Variants in CFAP47 observed in about 807,000 individuals in gnomAD.
CFAP47 encodes the protein cilia and flagella associated protein 47, also known as cilia- and flagella-associated protein 47.
In CFAP47, 29 loss-of-function variants were observed where a neutral mutation model predicts 148.1. That is an observed-to-expected ratio of 0.20 (90% CI 0.15 to 0.27). The LOEUF (loss-of-function observed/expected upper bound fraction) is 0.27. CFAP47 is among the 10% of genes least tolerant of loss of function. CFAP47 has a pLI of 1.00. For synonymous variants in CFAP47, 664 were observed against 577.3 expected, an observed-to-expected ratio of 1.15 and a Z score of -2.15; for missense variants, 1,872 against 1,697.5, an observed-to-expected ratio of 1.10 and a Z score of -1.81.
At chrX:36,261,934 T>G (rs1246135868) in intron 49 of CFAP47, among the ~76,000 whole-genome samples, 40 of 109,396 alleles carry the variant, frequency 3.7e-4, no homozygotes, top group Admixed American at 3.3e-3. Context: ...CCCGGACGGG[T>G]CGGCTGGCCG....
At position 36,209,881 on chromosome X, in the gene CFAP47, T is replaced by C. The variant is rs187754919; in HGVS notation, c.6817+4771T>C. Reference sequence around the variant, plus strand: ...GTCTCAAAAAAAACCCAGTACTCTTTAGGTACCATGCCCCTCCATCCTCCA... The same window carrying C: ...GTCTCAAAAAAAACCCAGTACTCTTCAGGTACCATGCCCCTCCATCCTCCA... On this transcript the variant is annotated intron_variant, in intron 45 of 63. Transcript: ENST00000378653. Among the ~76,000 whole-genome samples the C allele has an allele frequency of 9.0e-5, 10 of 111,541 alleles. 1 individual carries two copies. The highest frequency in any genetic ancestry group is 2.9e-4 in the Admixed American group (3 of 10,453).
At chrX:36,012,516 G>A (rs145907733) in intron 21 of CFAP47, among the ~76,000 whole-genome samples, 2 of 111,717 alleles carry the variant, frequency 1.8e-5, no homozygotes, top group Admixed American at 9.5e-5. Context: ...CCCTTTGCAG[G>A]GACACGGATG....
chrX:36,317,617 A>G (rs1157644359), intron 56 of CFAP47, among the ~76,000 whole-genome samples: 3 of 100,967 alleles, frequency 3.0e-5, no homozygotes, highest in Non-Finnish European at 4.0e-5. Context: ...ACGGGGTTTC[A>G]CCGTGTTAGC....
chrX:35,967,351 A>G (rs1331494067), intron 9 of CFAP47, among the ~76,000 whole-genome samples: 1 of 111,355 alleles, frequency 9.0e-6, no homozygotes, highest in African/African-American at 3.3e-5. Flanking sequence ...TGGACCAACA[A>G]AAAATTTAGT....
chrX:36,031,176 T>C (rs1601939601), intron 22 of CFAP47, 77 bp from the exon 23 acceptor site: 1 of 276,097 alleles, frequency 3.6e-6, no homozygotes, highest in Non-Finnish European at 6.4e-6. Flanking sequence ...TTGTTTAGTG[T>C]TTTAAAGTAT....
chrX:35,952,150 T>G (rs1190122185), intron 6 of CFAP47, among the ~76,000 whole-genome samples, 187 bp downstream of exon 6: 2 of 112,024 alleles, frequency 1.8e-5, no homozygotes, highest in African/African-American at 3.2e-5. Flanking sequence ...CTAAATATGG[T>G]TCTAAATACT....
chrX:36,245,305 C>T (rs143016495), intron 48 of CFAP47, among the ~76,000 whole-genome samples: 176 of 111,383 alleles, frequency 1.6e-3, no homozygotes, highest in Non-Finnish European at 2.9e-3. Flanking sequence ...TTTCACCACT[C>T]CTGTTTAACA....
intron 51 of CFAP47, among the ~76,000 whole-genome samples, chrX:36,290,745 A>T (rs1556005444): frequency 8.9e-6 from 1 of 112,558 alleles, no homozygotes; most frequent in East Asian, 2.8e-4. Context: ...GACACAGCAG[A>T]ACATCCTTAA....
chrX:36,101,312 G>A (rs1938371940), intron 32 of CFAP47, among the ~76,000 whole-genome samples: 1 of 112,026 alleles, frequency 8.9e-6, no homozygotes, highest in Admixed American at 9.5e-5. Flanking sequence ...TTATAACACA[G>A]AATGCACACC....
intron 30 of CFAP47, among the ~76,000 whole-genome samples, chrX:36,086,110 G>T (rs188096310): frequency 8.9e-6 from 1 of 112,022 alleles, no homozygotes; most frequent in Non-Finnish European, 1.9e-5. Context: ...GTAGGAAGGC[G>T]AAAGGAATTT....
intron 56 of CFAP47, among the ~76,000 whole-genome samples, chrX:36,316,297 C>T (rs781982899): frequency 5.4e-4 from 60 of 111,980 alleles, no homozygotes; most frequent in African/African-American, 1.9e-3. Context: ...CAACTACACC[C>T]TCCCCCAACC....
At chrX:36,014,120 G>A (rs1483419558) in intron 21 of CFAP47, among the ~76,000 whole-genome samples, 1 of 111,966 alleles carries the variant, frequency 8.9e-6, no homozygotes, top group Non-Finnish European at 1.9e-5. Context: ...GTTGTGATAG[G>A]TGTGAAGTGA....
At chrX:36,183,206 C>T (rs1939770217) in intron 40 of CFAP47, among the ~76,000 whole-genome samples, 1 of 110,555 alleles carries the variant, frequency 9.0e-6, no homozygotes, top group Admixed American at 9.6e-5. Context: ...GTCATCTCAG[C>T]TACTTGGTAG....
chrX:36,301,238 A>G (rs1224531501), intron 53 of CFAP47, 59 bp downstream of exon 53: 8 of 639,743 alleles, frequency 1.3e-5, no homozygotes, highest in Non-Finnish European at 1.9e-5. Flanking sequence ...AATCTATTAC[A>G]ATGTTGTTAT....
At position 36,350,688 on chromosome X, in the gene CFAP47, A is replaced by AT. The variant is rs200627025; in HGVS notation, c.8698+559dup. Among the ~76,000 whole-genome samples the AT allele has an allele frequency of 5.3e-3, 525 of 99,546 alleles. 1 individual carries two copies. The highest frequency in any genetic ancestry group is 0.017 in the African/African-American group (455 of 26,040). The allele number at this position is 99,546 out of a possible 115,157, so 86.4% of individuals were successfully genotyped here. ...TCTTTGACCTTTATTATTATTATTTATTTATTTTTTTTTTTGCCTCGGCAT... is the reference window on the plus strand; with the variant it reads ...TCTTTGACCTTTATTATTATTATTTATTTTATTTTTTTTTTTGCCTCGGCAT... On this transcript the variant is annotated intron_variant, in intron 59 of 63. Transcript: ENST00000378653.
intron 27 of CFAP47, among the ~76,000 whole-genome samples, chrX:36,066,028 C>T (rs750531530): frequency 1.8e-5 from 2 of 111,943 alleles, no homozygotes; most frequent in Non-Finnish European, 3.8e-5. Context: ...ATGCTATGCC[C>T]TTTATTCTGT....
chrX:36,304,360 C>T (rs181154410), intron 54 of CFAP47, among the ~76,000 whole-genome samples: 717 of 101,659 alleles, frequency 7.1e-3, no homozygotes, highest in African/African-American at 0.024. Context: ...CCATCCTGGA[C>T]GATAGAACGA....
In CFAP47 at chrX:36,383,448, T is replaced by C. The variant is rs1391715039; in HGVS notation, c.9355-1349T>C. On this transcript the variant is annotated intron_variant, in intron 63 of 63. Coordinates refer to ENST00000378653, the MANE Select transcript of CFAP47 (RefSeq NM_001304548.2). ...GTGTAGGTCTCTGCATTTAGCTCAC[T>C]CATTTTTACCCATCAAGTGGGTCAA... Among the ~76,000 whole-genome samples the C allele has an allele frequency of 5.6e-5, 6 of 106,759 alleles. No homozygotes were observed. The East Asian group carries it at 1.5e-3, about 27-fold the overall frequency. 92.7% of individuals were successfully genotyped at this position (106,759 alleles called of 115,157 possible). A position where few individuals can be genotyped will look rare whatever the true frequency, so the allele number is the denominator to read the frequency against.
intron 31 of CFAP47, 62 bp downstream of exon 31, chrX:36,098,936 G>A (rs1938326415): frequency 1.7e-6 from 1 of 572,168 alleles, no homozygotes; most frequent in Admixed American, 3.3e-5. Flanking sequence ...CTGGTATTTG[G>A]CCTATGTTAG....
Sources: gnomAD v4.1 joint callset for allele counts (sites outside exome capture counted in the v4.1 genomes callset) on GRCh38, gnomAD v4.1.1 for gene constraint, MANE v1.5 for transcripts, NCBI Gene and HGNC (gene_info 2026-07-23, HGNC 2026-07-21) for gene names.